Variants in FTO observed in about 807,000 individuals in gnomAD.
FTO encodes the protein FTO alpha-ketoglutarate dependent dioxygenase.
FTO carries 47 observed loss-of-function variants against 63.9 expected under a neutral mutation model. The observed-to-expected ratio is 0.74, with a 90% CI of 0.58 to 0.94. FTO has a LOEUF of 0.94. FTO is among the 40% of genes least tolerant of loss of function. The pLI, the probability that FTO is intolerant of heterozygous loss-of-function variation, is 0.00. For missense variants in FTO, 562 were observed against 618.1 expected, an observed-to-expected ratio of 0.91 and a Z score of 0.96; for synonymous variants, 207 against 224.4, an observed-to-expected ratio of 0.92 and a Z score of 0.69.
intron 1 of FTO, among the ~76,000 whole-genome samples, chr16:53,749,130 T>C (rs1291912113): frequency 6.6e-6 from 1 of 152,246 alleles, no homozygotes; most frequent in African/African-American, 2.4e-5. Context: ...TGTTAGCATA[T>C]AGAAAGACTA....
chr16:54,081,649 T>G (rs1472641566), intron 8 of FTO, among the ~76,000 whole-genome samples: 1 of 152,130 alleles, frequency 6.6e-6, no homozygotes, highest in Non-Finnish European at 1.5e-5. Flanking sequence ...ACTATGGCAT[T>G]GTTTGGAGAT....
intron 8 of FTO, among the ~76,000 whole-genome samples, chr16:54,102,830 GGCA>G (rs1263182402): frequency 1.3e-5 from 2 of 152,112 alleles, no homozygotes; most frequent in Non-Finnish European, 2.9e-5. Context: ...CCAAGATCCA[GGCA>G]GCAGAGTTAT....
chr16:54,006,624 A>G (rs1166731987), intron 8 of FTO, among the ~76,000 whole-genome samples: 2 of 152,198 alleles, frequency 1.3e-5, no homozygotes, highest in African/African-American at 2.4e-5. Context: ...AACTGGCCCA[A>G]TTGCACCAAC....
At chr16:53,941,545 G>T (rs2082529355) in intron 8 of FTO, among the ~76,000 whole-genome samples, 1 of 152,160 alleles carries the variant, frequency 6.6e-6, no homozygotes, top group African/African-American at 2.4e-5. Flanking sequence ...TTGTTTACCA[G>T]CCGTAAAACA....
chr16:54,102,435 G>T (rs2086659854), intron 8 of FTO, among the ~76,000 whole-genome samples: 1 of 152,082 alleles, frequency 6.6e-6, no homozygotes. Context: ...AATCAGCTGG[G>T]CATTGTTTTG....
intron 1 of FTO, among the ~76,000 whole-genome samples, chr16:53,732,083 C>T (rs1481260474): frequency 2.4e-5 from 3 of 126,746 alleles, no homozygotes; most frequent in Non-Finnish European, 1.5e-5. Context: ...GAGTCTCGCT[C>T]TGTCGCCCAG....
rs908438165 is a variant in FTO, at chr16:53,722,567, G to A, written c.45+18338G>A. ...GTGTAGGCTAGGTGTGGTGACTCAC[G>A]CCTGTAGTCCCAGCACTTTGGGAGG... On this transcript the variant is annotated intron_variant, in intron 1 of 8. Transcript: ENST00000471389. Among the ~76,000 whole-genome samples, 12 of 151,324 alleles carry A rather than the reference G, an allele frequency of 7.9e-5. 1 individual carries two copies. In the South Asian group the frequency reaches 2.3e-3, roughly 29 times the overall value.
At chr16:53,759,737 G>C (rs1320187401) in intron 1 of FTO, among the ~76,000 whole-genome samples, 3 of 150,876 alleles carry the variant, frequency 2.0e-5, no homozygotes, top group African/African-American at 7.3e-5. Context: ...ATAATACAGG[G>C]TCATTTCCTT....
intron 8 of FTO, among the ~76,000 whole-genome samples, chr16:53,934,869 T>C (rs1266811612): frequency 6.6e-6 from 1 of 152,200 alleles, no homozygotes; most frequent in Non-Finnish European, 1.5e-5. Context: ...GTAGCCTATT[T>C]ATCAACCCGA....
At chr16:54,055,402 A>G (rs2085408950) in intron 8 of FTO, among the ~76,000 whole-genome samples, 1 of 152,252 alleles carries the variant, frequency 6.6e-6, no homozygotes, top group South Asian at 2.1e-4. Flanking sequence ...TGATCCAGAT[A>G]CTGAGCCTTG....
intron 7 of FTO, among the ~76,000 whole-genome samples, chr16:53,890,963 G>A (rs1448809472): frequency 6.6e-6 from 1 of 151,870 alleles, no homozygotes; most frequent in African/African-American, 2.4e-5. Context: ...AATTAGAGTT[G>A]AAGAGCAAAT....
chr16:54,061,284 T>C (rs1168296447), intron 8 of FTO, among the ~76,000 whole-genome samples: 4 of 152,212 alleles, frequency 2.6e-5, no homozygotes, highest in Non-Finnish European at 5.9e-5. Context: ...CCTTGTCCCT[T>C]GAGGGCTCTT....
chr16:53,971,935 C>G (rs2083330191), intron 8 of FTO, among the ~76,000 whole-genome samples: 1 of 152,150 alleles, frequency 6.6e-6, no homozygotes, highest in Non-Finnish European at 1.5e-5. Flanking sequence ...CAGCTAATCT[C>G]CATGTCTTAG....
intron 8 of FTO, among the ~76,000 whole-genome samples, chr16:53,951,110 T>C (rs1445088485): frequency 6.6e-6 from 1 of 152,208 alleles, no homozygotes; most frequent in East Asian, 1.9e-4. Context: ...ATACCAAATG[T>C]ATCACATGAA....
intron 8 of FTO, among the ~76,000 whole-genome samples, chr16:54,060,648 T>C (rs188409461): frequency 7.9e-5 from 12 of 152,318 alleles, no homozygotes; most frequent in Admixed American, 7.2e-4. Context: ...CTGGGGCATG[T>C]ATTCTAGAAC....
At chr16:53,771,991 T>C (rs1306205082) in intron 1 of FTO, among the ~76,000 whole-genome samples, 1 of 152,112 alleles carries the variant, frequency 6.6e-6, no homozygotes, top group Non-Finnish European at 1.5e-5. Context: ...GCAGGGTTTC[T>C]TTTTCTTTTG....
chr16:53,761,115 G>A (rs8055802), intron 1 of FTO, among the ~76,000 whole-genome samples: 1 of 146,970 alleles, frequency 6.8e-6, no homozygotes, highest in Admixed American at 7.0e-5. Context: ...TTTTTTTCTG[G>A]AGACAGGGTC....
At chr16:54,090,089 A>G (rs2086348863) in intron 8 of FTO, among the ~76,000 whole-genome samples, 1 of 152,260 alleles carries the variant, frequency 6.6e-6, no homozygotes, top group Non-Finnish European at 1.5e-5. Flanking sequence ...ATCAGTGTTC[A>G]TTGTAGCATT....
chr16:53,865,152 G>T (rs1362736048), intron 4 of FTO, among the ~76,000 whole-genome samples: 1 of 152,168 alleles, frequency 6.6e-6, no homozygotes, highest in Non-Finnish European at 1.5e-5. Flanking sequence ...TTGGGTAGAT[G>T]AGACTGGCAT....
Sources: allele counts gnomAD v4.1 joint callset (sites outside exome capture counted in the v4.1 genomes callset), GRCh38; gene constraint gnomAD v4.1.1; transcripts MANE v1.5; gene names NCBI Gene and HGNC (gene_info 2026-07-23, HGNC 2026-07-21).